The following SH3GL2 variants were observed in gnomAD, a reference collection of about 807,000 sequenced individuals.
SH3GL2 encodes the protein SH3 domain containing GRB2 like 2, endophilin A1, also known as endophilin-A1.
SH3GL2 carries 24 observed loss-of-function variants against 46.0 expected under a neutral mutation model. That is an observed-to-expected ratio of 0.52 (90% CI 0.38 to 0.73). SH3GL2 has a LOEUF of 0.73. SH3GL2 is among the 30% of genes least tolerant of loss of function. SH3GL2 has a pLI of 0.00. For synonymous variants in SH3GL2, 196 were observed against 147.1 expected, an observed-to-expected ratio of 1.33 and a Z score of -2.40; for missense variants, 413 against 424.2, an observed-to-expected ratio of 0.97 and a Z score of 0.23.
intron 1 of SH3GL2, among the ~76,000 whole-genome samples, chr9:17,639,646 C>T (rs527268797): frequency 1.3e-5 from 2 of 152,180 alleles, no homozygotes; most frequent in African/African-American, 2.4e-5. Flanking sequence ...AGCAGTTCAA[C>T]TCCTTGGTGT....
intron 1 of SH3GL2, among the ~76,000 whole-genome samples, chr9:17,732,254 C>G (rs1822206894): frequency 6.6e-6 from 1 of 152,058 alleles, no homozygotes; most frequent in Non-Finnish European, 1.5e-5. Flanking sequence ...CTGTAACTGC[C>G]TTTTGCCCTC....
chr9:17,753,776 C>G (rs547533367), intron 2 of SH3GL2, among the ~76,000 whole-genome samples: 2 of 152,084 alleles, frequency 1.3e-5, no homozygotes, highest in African/African-American at 4.8e-5. Context: ...TGGTATTTTG[C>G]CTAGGTTGTC....
At chr9:17,623,707 C>T (rs1361317785) in intron 1 of SH3GL2, among the ~76,000 whole-genome samples, 3 of 12,998 alleles carry the variant, frequency 2.3e-4, no homozygotes, top group Admixed American at 1.6e-3. Context: ...TAATTTCCTA[C>T]ACACACACAC....
rs561575850 is a variant in SH3GL2 at position 17,770,713 on chromosome 9, C to G, written c.187+9204C>G. On this transcript the variant is annotated intron_variant, in intron 3 of 8. Transcript: ENST00000380607. ...CCCTTCCTTGTCTAGAAGAAGCACA[C>G]TGCCATGTTATGACAGCCCAAGGAG... is the stretch of plus-strand genomic sequence containing the variant. Among the ~76,000 whole-genome samples, 88 of 152,348 alleles carry G rather than the reference C, an allele frequency of 5.8e-4. 1 individual carries two copies. The highest frequency in any genetic ancestry group is 1.6e-3 in the African/African-American group (65 of 41,592).
At chr9:17,695,826 T>G (rs1821189041) in intron 1 of SH3GL2, among the ~76,000 whole-genome samples, 1 of 152,020 alleles carries the variant, frequency 6.6e-6, no homozygotes, top group Non-Finnish European at 1.5e-5. Context: ...GTCTCTGAAA[T>G]TGGAGGATGG....
At chr9:17,637,879 G>A (rs960847111) in intron 1 of SH3GL2, among the ~76,000 whole-genome samples, 5 of 152,050 alleles carry the variant, frequency 3.3e-5, no homozygotes, top group East Asian at 1.9e-4. Context: ...GATTTCAGCC[G>A]GGCGCGGTGG....
chr9:17,695,368 G>A (rs1313011536), intron 1 of SH3GL2, among the ~76,000 whole-genome samples: 1 of 152,150 alleles, frequency 6.6e-6, no homozygotes, highest in Non-Finnish European at 1.5e-5. Flanking sequence ...GATGCCTGAG[G>A]TTGTCAGCAA....
chr9:17,646,918 CT>C (rs1248311714), intron 1 of SH3GL2, among the ~76,000 whole-genome samples: 1 of 152,216 alleles, frequency 6.6e-6, no homozygotes, highest in Non-Finnish European at 1.5e-5. Context: ...GGGTGATCCA[CT>C]GCTCTCTTCA....
chr9:17,795,735 C>A lies in SH3GL2; in HGVS notation c.1051C>A (p.Pro351Thr). The A allele has an allele frequency of 6.2e-7, 1 of 1,613,020 alleles. No homozygotes were observed. The highest frequency in any genetic ancestry group is 8.5e-7 in the Non-Finnish European group (1 of 1,179,252). Residue 351 changes from proline (P) to threonine (T), a missense_variant, in exon 9 of 9, where the codon CCC (proline) becomes ACC (threonine). Coordinates refer to ENST00000380607, the MANE Select transcript of SH3GL2 (RefSeq NM_003026.5). ...TTATGTGGAAATTCTGGTTGCCCTGCCCCATTAGGATGTTATGCTGGCTGG... is the reference window on the plus strand; with the variant it reads ...TTATGTGGAAATTCTGGTTGCCCTGACCCATTAGGATGTTATGCTGGCTGG... The part of the protein sequence containing the change: ...INYVEILVAL[P>T]H
intron 1 of SH3GL2, among the ~76,000 whole-genome samples, chr9:17,704,830 C>G (rs1326836593): frequency 1.3e-5 from 2 of 151,962 alleles, no homozygotes; most frequent in East Asian, 3.9e-4. Flanking sequence ...CTGTAAAAAT[C>G]CTGGAAGGAT....
intron 3 of SH3GL2, among the ~76,000 whole-genome samples, chr9:17,773,355 C>G (rs9407860): frequency 0.1 from 15,381 of 152,024 alleles, 862 homozygotes; most frequent in Non-Finnish European, 0.11. Context: ...TTGCATATGC[C>G]TTTGGTATCA....
At chr9:17,631,416 T>A (rs1819418719) in intron 1 of SH3GL2, among the ~76,000 whole-genome samples, 1 of 152,224 alleles carries the variant, frequency 6.6e-6, no homozygotes, top group African/African-American at 2.4e-5. Flanking sequence ...TTCTGACAAC[T>A]GTTCTGGCAG....
chr9:17,789,730 T>G (rs1246330675), intron 6 of SH3GL2, 180 bp downstream of exon 6: 1 of 1,356,752 alleles, frequency 7.4e-7, no homozygotes. Flanking sequence ...ATAGAAAAGT[T>G]TCTTCTGCAT....
intron 1 of SH3GL2, among the ~76,000 whole-genome samples, chr9:17,594,911 T>G (rs979059087): frequency 1.3e-5 from 2 of 152,218 alleles, no homozygotes; most frequent in East Asian, 3.8e-4. Context: ...TTTGATGTAT[T>G]CATTTCTGCT....
intron 1 of SH3GL2, among the ~76,000 whole-genome samples, chr9:17,743,674 TG>T (rs1822598298): frequency 6.6e-6 from 1 of 152,084 alleles, no homozygotes; most frequent in Non-Finnish European, 1.5e-5. Flanking sequence ...GAATTACTAA[TG>T]GCCAGTGGGA....
intron 1 of SH3GL2, among the ~76,000 whole-genome samples, chr9:17,707,327 C>G (rs1450978771): frequency 6.6e-6 from 1 of 152,008 alleles, no homozygotes; most frequent in African/African-American, 2.4e-5. Flanking sequence ...CTCTTGGGGT[C>G]ATACAGAACA....
intron 1 of SH3GL2, among the ~76,000 whole-genome samples, chr9:17,639,236 G>C (rs1258317190): frequency 6.6e-6 from 1 of 152,128 alleles, no homozygotes; most frequent in African/African-American, 2.4e-5. Flanking sequence ...TAAAACTTTT[G>C]TTCTTTGGAA....
At chr9:17,736,855 G>A (rs777384347) in intron 1 of SH3GL2, among the ~76,000 whole-genome samples, 7 of 152,020 alleles carry the variant, frequency 4.6e-5, no homozygotes, top group Non-Finnish European at 8.8e-5. Context: ...ATTTCTATAG[G>A]CAGAAAGTGA....
chr9:17,595,885 A>G (rs1818560325), intron 1 of SH3GL2, among the ~76,000 whole-genome samples: 1 of 152,158 alleles, frequency 6.6e-6, no homozygotes, highest in Admixed American at 6.6e-5. Flanking sequence ...TGTTACAGTA[A>G]GATTATTTTT....
Sources: allele counts gnomAD v4.1 joint callset (sites outside exome capture counted in the v4.1 genomes callset), GRCh38; gene constraint gnomAD v4.1.1; transcripts MANE v1.5; gene names NCBI Gene and HGNC (gene_info 2026-07-23, HGNC 2026-07-21).